Variants in TCF7L2 observed in about 807,000 individuals in gnomAD.
The protein encoded by TCF7L2 is transcription factor 7 like 2, also known as transcription factor 7-like 2.
In TCF7L2, 23 loss-of-function variants were observed where a neutral mutation model predicts 77.9. The observed-to-expected ratio is 0.30, with a 90% CI of 0.21 to 0.42. The LOEUF is 0.42. Among genes scored for constraint, TCF7L2 ranks in the 10% least tolerant of loss-of-function variants. The probability of loss-of-function intolerance (pLI) is 1.00; values close to 1 mark genes in which losing one functional copy is unlikely to be tolerated. For synonymous variants in TCF7L2, 413 were observed against 340.2 expected (o/e 1.21, Z -2.36); for missense variants, 654 against 793.1 (o/e 0.82, Z 2.11).
chr10:112,972,202 C>T (rs377217750), intron 4 of TCF7L2, among the ~76,000 whole-genome samples: 33 of 152,322 alleles, frequency 2.2e-4, no homozygotes, highest in African/African-American at 7.9e-4. Flanking sequence ...CTAAGTACTA[C>T]ATTGGGATAA....
rs76293899 is a variant in TCF7L2 at position 113,037,292 on chromosome 10, G to A, written c.451-2733G>A. On this transcript the variant is annotated intron_variant, in intron 4 of 13. Transcript: ENST00000627217. ...GGGCTTGGATTTGTGTGTACCCAGC[G>A]GTTCTGTGGCATCAAGTTGCACTGG... 4.7e-3 allele frequency among the ~76,000 whole-genome samples: 718 copies of A among 152,224 alleles called. 17 individuals are homozygous for A. The East Asian group carries it at 0.072, about 15-fold the overall frequency.
intron 5 of TCF7L2, among the ~76,000 whole-genome samples, chr10:113,098,092 C>T (rs545599456): frequency 6.2e-5 from 9 of 145,196 alleles, no homozygotes; most frequent in African/African-American, 2.3e-4. Context: ...AGAAGAAACA[C>T]ATGTCGTACC....
At chr10:113,130,049 A>G (rs1047753831) in intron 5 of TCF7L2, 2 of 1,151,864 alleles carry the variant, frequency 1.7e-6, no homozygotes, top group Middle Eastern at 3.1e-4. Context: ...GTCCATGCTT[A>G]TGGTATTGAC....
chr10:113,071,542 C>T (rs536600712), intron 5 of TCF7L2, among the ~76,000 whole-genome samples: 2 of 152,280 alleles, frequency 1.3e-5, no homozygotes, highest in East Asian at 3.9e-4. Flanking sequence ...CCCCCCGCCA[C>T]CTCTCTCCCC....
chr10:113,069,510 G>A (rs890407188), intron 5 of TCF7L2, among the ~76,000 whole-genome samples: 2 of 152,134 alleles, frequency 1.3e-5, no homozygotes, highest in Non-Finnish European at 2.9e-5. Flanking sequence ...GATTACAGGC[G>A]TGAGCTGCCG....
intron 5 of TCF7L2, among the ~76,000 whole-genome samples, chr10:113,092,618 T>TG (rs1446588786): frequency 6.6e-6 from 1 of 152,174 alleles, no homozygotes; most frequent in African/African-American, 2.4e-5. Flanking sequence ...TGGTGGGTCA[T>TG]GCCTGTAATC....
In TCF7L2 at chr10:113,151,728, G is replaced by A. The variant is rs2137151582; in HGVS notation, c.1005G>A (p.Lys335=). The A allele has an allele frequency of 6.3e-7, 1 of 1,589,982 alleles. No individual in the cohort carries two copies. Among genetic ancestry groups the A allele is most frequent in the Non-Finnish European group, 8.5e-7 (1 of 1,173,294 alleles). ...CGTCTGTTTTGTCTATCTCCAGAAA[G>A]CATCAGGACTCCAAAAAGGAAGAAG... The change falls in exon 10 of 14, where the codon AAG becomes AAA. Residue 335 remains lysine, a synonymous_variant. Coordinates refer to ENST00000627217, the MANE Select transcript of TCF7L2 (RefSeq NM_001146274.2). The surrounding 1 kb of genome is among the most constrained non-coding windows in gnomAD (Gnocchi z 5.2).
chr10:112,995,797 C>T (rs146362486), intron 4 of TCF7L2, among the ~76,000 whole-genome samples: 5 of 152,230 alleles, frequency 3.3e-5, no homozygotes, highest in Middle Eastern at 3.4e-3. Context: ...CATGCCCTGG[C>T]CTCTTCCTTT....
intron 13 of TCF7L2, among the ~76,000 whole-genome samples, chr10:113,163,864 T>C (rs1419052442): frequency 6.6e-6 from 1 of 151,874 alleles, no homozygotes; most frequent in Non-Finnish European, 1.5e-5. Context: ...TCTTGCTGAG[T>C]CCAAACCCCA....
chr10:113,092,644 G>T (rs889461165), intron 5 of TCF7L2, among the ~76,000 whole-genome samples: 2 of 152,174 alleles, frequency 1.3e-5, no homozygotes, highest in South Asian at 4.1e-4. Context: ...ACTTCAGAAG[G>T]CCGAGGTGGG....
At chr10:113,110,595 T>C (rs972670548) in intron 5 of TCF7L2, among the ~76,000 whole-genome samples, 6 of 152,174 alleles carry the variant, frequency 3.9e-5, no homozygotes, top group Non-Finnish European at 8.8e-5. Context: ...TGAAGGACAA[T>C]GTCGATTCTA....
chr10:113,077,449 A>T (rs891618977), intron 5 of TCF7L2, among the ~76,000 whole-genome samples: 1 of 151,526 alleles, frequency 6.6e-6, no homozygotes, highest in Non-Finnish European at 1.5e-5. Context: ...CATTTTCCTC[A>T]CCCCCTAAAA....
intron 5 of TCF7L2, among the ~76,000 whole-genome samples, chr10:113,097,661 A>AAC (rs961445550): frequency 6.9e-5 from 10 of 144,408 alleles, no homozygotes; most frequent in African/African-American, 2.2e-4. Flanking sequence ...AAAAAAAAAA[A>AAC]AAAAAAAAAA....
chr10:113,112,152 G>A (rs1046981880), intron 5 of TCF7L2, among the ~76,000 whole-genome samples: 1 of 152,246 alleles, frequency 6.6e-6, no homozygotes, highest in Non-Finnish European at 1.5e-5. Flanking sequence ...CTCTTCTGGA[G>A]AGAGGAGAGA....
intron 4 of TCF7L2, among the ~76,000 whole-genome samples, chr10:112,990,467 G>A (rs1302212802): frequency 6.6e-6 from 1 of 152,180 alleles, no homozygotes; most frequent in Non-Finnish European, 1.5e-5. Context: ...AGCACTTTGG[G>A]AGGCTGAGGT....
chr10:112,982,055 A>G (rs2040566219), intron 4 of TCF7L2, among the ~76,000 whole-genome samples: 1 of 152,196 alleles, frequency 6.6e-6, no homozygotes, highest in Admixed American at 6.5e-5. Context: ...TTTTGGAAAC[A>G]TCTAGATGAA....
chr10:113,120,535 G>C lies in TCF7L2; in HGVS notation c.553-20649G>C, dbSNP rs549388284. On this transcript the variant is annotated intron_variant, in intron 5 of 13. Transcript: ENST00000627217. ...GAGCCATTGAGTAGGACATTAGGAG[G>C]AGGAAGGACTATTCTTTGGAGTGGT... Among the ~76,000 whole-genome samples, 108 of 152,296 alleles carry C rather than the reference G, an allele frequency of 7.1e-4. 1 individual carries two copies. The highest frequency in any genetic ancestry group is 2.5e-3 in the African/African-American group (105 of 41,554).
chr10:113,058,533 G>T (rs940187021), intron 5 of TCF7L2, among the ~76,000 whole-genome samples: 1 of 152,108 alleles, frequency 6.6e-6, no homozygotes, highest in Non-Finnish European at 1.5e-5. Flanking sequence ...GATCCTCCGG[G>T]CAGCTCATAG....
At position 112,979,755 on chromosome 10, in the gene TCF7L2, C is replaced by CA. The variant is rs1335775894; in HGVS notation, c.450+15140dup. ...TAGGTGACGGAGCAAGACCCTGTCT[C>CA]AAAAAAAAATAAAAAAAATAAAAAA... On this transcript the variant is annotated intron_variant, in intron 4 of 13. Transcript: ENST00000627217. 9.9e-4 allele frequency among the ~76,000 whole-genome samples: 130 copies of CA among 131,638 alleles called. No individual in the cohort carries two copies. The East Asian group carries it at 0.011, about 12-fold the overall frequency. The allele number at this position is 131,638 out of a possible 152,430, so 86.4% of individuals were successfully genotyped here.
Sources: allele counts gnomAD v4.1 joint callset (sites outside exome capture counted in the v4.1 genomes callset), GRCh38; gene constraint gnomAD v4.1.1; non-coding constraint Gnocchi (gnomAD v3.1); transcripts MANE v1.5; gene names NCBI Gene and HGNC (gene_info 2026-07-23, HGNC 2026-07-21).